MYT1L: variants seen among roughly 807,000 people sequenced by gnomAD.
The protein encoded by MYT1L is myelin transcription factor 1 like.
Under a neutral mutation model 126.7 loss-of-function variants are expected in MYT1L, and 12 were observed. The ratio of observed to expected loss-of-function variants is 0.09; its 90% CI spans 0.06 to 0.15. The LOEUF is 0.15. Among genes scored for constraint, MYT1L ranks in the 10% least tolerant of loss-of-function variants. The pLI is 1.00. For missense variants in MYT1L, 979 were observed against 1,585.2 expected, an observed-to-expected ratio of 0.62 and a Z score of 6.49; for synonymous variants, 541 against 604.2, an observed-to-expected ratio of 0.90 and a Z score of 1.53.
At chr2:1,873,133 C>T (rs1431709996) in intron 18 of MYT1L, among the ~76,000 whole-genome samples, 1 of 152,206 alleles carries the variant, frequency 6.6e-6, no homozygotes, top group Non-Finnish European at 1.5e-5. Flanking sequence ...CATGGCCTCA[C>T]AGCATGTTTT....
At chr2:2,197,650 A>T (rs2092866349) in intron 2 of MYT1L, among the ~76,000 whole-genome samples, 1 of 152,090 alleles carries the variant, frequency 6.6e-6, no homozygotes, top group South Asian at 2.1e-4. Context: ...CATACAACGA[A>T]TGTGTAGAGA....
At chr2:1,849,264 G>C (rs1407454636) in intron 19 of MYT1L, among the ~76,000 whole-genome samples, 1 of 152,174 alleles carries the variant, frequency 6.6e-6, no homozygotes, top group Non-Finnish European at 1.5e-5. Flanking sequence ...GGCCACGTGA[G>C]AGGACCAAGA....
intron 4 of MYT1L, among the ~76,000 whole-genome samples, chr2:2,040,880 C>G (rs1360229041): frequency 6.6e-6 from 1 of 152,102 alleles, no homozygotes; most frequent in African/African-American, 2.4e-5. Flanking sequence ...TTTCTACTTG[C>G]ATTTGTTGAA....
intron 8 of MYT1L, among the ~76,000 whole-genome samples, chr2:1,954,329 T>C (rs561272583): frequency 6.6e-6 from 1 of 152,300 alleles, no homozygotes; most frequent in East Asian, 1.9e-4. Context: ...CACTGCCCAT[T>C]TGACGCCCCA....
In MYT1L at chr2:1,910,027, G is replaced by A. The variant is rs375357492; in HGVS notation, c.1817+213C>T. On this transcript the variant is annotated intron_variant, in intron 13 of 24. Transcript: ENST00000647738. The surrounding 1 kb of genome is among the most constrained non-coding windows in gnomAD (Gnocchi z 4.8). ...ATTCTCTCATGTAAATTGTCACAGCGAATCCGCAGACACCAGGGGAAGAAT... is the reference window on the plus strand; with the variant it reads ...ATTCTCTCATGTAAATTGTCACAGCAAATCCGCAGACACCAGGGGAAGAAT... 2.5e-4 allele frequency among the ~76,000 whole-genome samples: 38 copies of A among 152,172 alleles called. No homozygotes were observed. The highest frequency in any genetic ancestry group is 1.5e-3 in the East Asian group (8 of 5,186).
intron 22 of MYT1L, chr2:1,802,010 G>A (rs1338089976): frequency 6.2e-6 from 3 of 485,276 alleles, no homozygotes; most frequent in African/African-American, 6.0e-5. Flanking sequence ...CTACAAAAAG[G>A]AACAAACAAT....
intron 2 of MYT1L, among the ~76,000 whole-genome samples, chr2:2,236,750 G>C (rs1463858953): frequency 6.8e-6 from 1 of 148,100 alleles, no homozygotes; most frequent in Non-Finnish European, 1.5e-5. Flanking sequence ...AGACTCATTG[G>C]TTGTCCTTTC....
At chr2:2,073,377 G>A (rs577333469) in intron 3 of MYT1L, among the ~76,000 whole-genome samples, 2 of 152,090 alleles carry the variant, frequency 1.3e-5, no homozygotes, top group Admixed American at 1.3e-4. Flanking sequence ...CTTACTGTAA[G>A]AAGATTACAG....
chr2:2,000,789 A>G (rs912037086), intron 4 of MYT1L, among the ~76,000 whole-genome samples: 7 of 152,144 alleles, frequency 4.6e-5, no homozygotes, highest in African/African-American at 1.2e-4. Flanking sequence ...GCATGTCAGA[A>G]ATATTTATTT....
At chr2:2,204,686 C>G (rs984945286) in intron 2 of MYT1L, among the ~76,000 whole-genome samples, 9 of 151,298 alleles carry the variant, frequency 5.9e-5, no homozygotes, top group Non-Finnish European at 8.8e-5. Flanking sequence ...AGTTCAACCA[C>G]TGTGGAAGTC....
At chr2:2,075,955 T>C (rs1299640878) in intron 3 of MYT1L, among the ~76,000 whole-genome samples, 1 of 152,116 alleles carries the variant, frequency 6.6e-6, no homozygotes, top group African/African-American at 2.4e-5. Context: ...GGTTTTGGAG[T>C]TCCATTAAAA....
At chr2:2,198,561 T>C (rs909019443) in intron 2 of MYT1L, among the ~76,000 whole-genome samples, 4 of 152,004 alleles carry the variant, frequency 2.6e-5, no homozygotes, top group African/African-American at 9.7e-5. Context: ...CACGTGTCAA[T>C]TAGAAATGAA....
intron 4 of MYT1L, among the ~76,000 whole-genome samples, chr2:2,024,830 C>T (rs1316613298): frequency 6.6e-6 from 1 of 152,216 alleles, no homozygotes; most frequent in African/African-American, 2.4e-5. Flanking sequence ...AGAAAATCAC[C>T]TTTGAGTCTT....
intron 2 of MYT1L, among the ~76,000 whole-genome samples, chr2:2,177,128 C>T (rs2090895321): frequency 6.6e-6 from 1 of 152,222 alleles, no homozygotes; most frequent in South Asian, 2.1e-4. Context: ...ATGTCGTCAA[C>T]AGGACTGTCA....
At chr2:2,115,232 G>T (rs946451996) in intron 3 of MYT1L, among the ~76,000 whole-genome samples, 1 of 152,144 alleles carries the variant, frequency 6.6e-6, no homozygotes, top group Admixed American at 6.5e-5. Context: ...TGTTCATTTC[G>T]AATGCTATCA....
At chr2:1,927,147 C>T (rs1385954760) in intron 9 of MYT1L, among the ~76,000 whole-genome samples, 1 of 152,112 alleles carries the variant, frequency 6.6e-6, no homozygotes, top group Non-Finnish European at 1.5e-5. Flanking sequence ...CGCACTGGCA[C>T]GGAAATCAGA....
chr2:2,312,210 ACCTC>A (rs2149612106), intron 1 of MYT1L, among the ~76,000 whole-genome samples: 1 of 151,530 alleles, frequency 6.6e-6, no homozygotes, highest in African/African-American at 2.4e-5. Context: ...CAGACTGTTC[ACCTC>A]CCTTCCCAGT....
intron 2 of MYT1L, among the ~76,000 whole-genome samples, chr2:2,183,174 T>C (rs1272802809): frequency 6.6e-6 from 1 of 152,124 alleles, no homozygotes; most frequent in African/African-American, 2.4e-5. Context: ...GCCTGAATTG[T>C]ATCCCTCAGG....
At chr2:2,038,932 G>A (rs868494189) in intron 4 of MYT1L, among the ~76,000 whole-genome samples, 4 of 152,126 alleles carry the variant, frequency 2.6e-5, no homozygotes, top group Admixed American at 1.3e-4. Context: ...CCTCCTCCTC[G>A]GTGTTCGTGG....
Sources: gnomAD v4.1 joint callset for allele counts (sites outside exome capture counted in the v4.1 genomes callset) on GRCh38, gnomAD v4.1.1 for gene constraint, Gnocchi (gnomAD v3.1) non-coding constraint, MANE v1.5 for transcripts, NCBI Gene and HGNC (gene_info 2026-07-23, HGNC 2026-07-21) for gene names.